ABCA7: variants seen among roughly 807,000 people sequenced by gnomAD.
ABCA7 encodes the protein phospholipid-transporting ATPase ABCA7.
In ABCA7, 261 loss-of-function variants were observed where a neutral mutation model predicts 227.6. The observed-to-expected ratio is 1.15, with a 90% CI of 1.04 to 1.27. ABCA7 has a LOEUF of 1.27. ABCA7 is among the 50% of genes most tolerant of loss of function. The pLI is 0.00. For missense variants in ABCA7, 3,331 were observed against 2,924.5 expected, an observed-to-expected ratio of 1.14 and a Z score of -3.21; for synonymous variants, 1,488 against 1,279.7, an observed-to-expected ratio of 1.16 and a Z score of -3.47.
At position 1,046,079 on chromosome 19, in the gene ABCA7, G is replaced by A. The variant is rs1438053670; in HGVS notation, c.1446-151G>A. 7.3e-6 allele frequency: 6 copies of A among 817,560 alleles called. No individual in the cohort carries two copies. In the Admixed American group the frequency reaches 1.0e-4, roughly 14 times the overall value. The allele number at this position is 817,560 out of a possible 1,614,324, so 50.6% of individuals were successfully genotyped here. A position where few individuals can be genotyped will look rare whatever the true frequency, so the allele number is the denominator to read the frequency against. On this transcript the variant is annotated intron_variant, in intron 12 of 46. Coordinates refer to ENST00000263094, the MANE Select transcript of ABCA7 (RefSeq NM_019112.4). ...GAGCTGGGGGGATCGTTTGATCCCG[G>A]GAGGTCAAGGCTGCAGTGAGCTATG...
intron 10 of ABCA7, 52 bp from the exon 11 acceptor site, chr19:1,044,525 G>A (rs1454237195): frequency 1.4e-5 from 22 of 1,576,150 alleles, no homozygotes; most frequent in Non-Finnish European, 1.7e-5. Flanking sequence ...GGGATTACAG[G>A]CATGAGCCAC....
intron 11 of ABCA7, 125 bp from the exon 12 acceptor site, chr19:1,044,877 G>T: frequency 6.8e-7 from 1 of 1,468,398 alleles, no homozygotes; most frequent in South Asian, 1.3e-5. Flanking sequence ...GAGATCTCAG[G>T]AGGGAGCCGG....
At chr19:1,061,723 G>T in intron 40 of ABCA7, 59 bp from the exon 41 acceptor site, 74 of 1,297,932 alleles carry the variant, frequency 5.7e-5, no homozygotes, top group Non-Finnish European at 7.1e-5. Flanking sequence ...AAAGAAATCA[G>T]AGATGCCGGA....
chr19:1,062,299 G>T lies in ABCA7; in HGVS notation c.5698G>T (p.Ala1900Ser), dbSNP rs1272960549. 2.5e-6 allele frequency: 4 copies of T among 1,604,022 alleles called. No individual in the cohort carries two copies. The highest frequency in any genetic ancestry group is 2.2e-5 in the South Asian group (2 of 91,028). Reference sequence around the variant, plus strand: ...TGCGCGCCTGCGCGGTGTCCCGGAGGCCCAGGTTGCCCAGGTGAGCCCACT... The same window carrying T: ...TGCGCGCCTGCGCGGTGTCCCGGAGTCCCAGGTTGCCCAGGTGAGCCCACT... ...LLARLRGVPE[A>S]QVAQTAGSGL... The change falls in exon 42 of 47, where the codon GCC (alanine) becomes TCC (serine). Residue 1900 changes from alanine to serine, a missense_variant. Ala to Ser is a moderately conservative substitution (Grantham distance 99). Coordinates refer to ENST00000263094, the MANE Select transcript of ABCA7 (RefSeq NM_019112.4).
Position 1,054,003 on chromosome 19 carries a change from C to T in ABCA7, c.3473-3C>T. 6.2e-7 allele frequency: 1 copy of T among 1,613,138 alleles called. No homozygotes were observed. The highest frequency in any genetic ancestry group is 8.5e-7 in the Non-Finnish European group (1 of 1,179,802). Reference sequence around the variant, plus strand: ...TTGACCCTGACCCCTGATGGCCCTGCAGATGGCAGCTGCGGGCAGCACCTA... The same window carrying T: ...TTGACCCTGACCCCTGATGGCCCTGTAGATGGCAGCTGCGGGCAGCACCTA... On this transcript the variant is annotated splice_region_variant and splice_polypyrimidine_tract_variant and intron_variant, in intron 25 of 46. Coordinates refer to ENST00000263094, the MANE Select transcript of ABCA7 (RefSeq NM_019112.4). This position sits in a 1 kb window ranked among gnomAD's most constrained non-coding sequence, Gnocchi z 4.8.
chr19:1,055,007 T>G, intron 29 of ABCA7, 90 bp from the exon 30 acceptor site: 1 of 1,529,642 alleles, frequency 6.5e-7, no homozygotes, highest in Non-Finnish European at 8.8e-7. Context: ...GGAGCCTCTG[T>G]GGCTCCAGGA....
chr19:1,042,241 TG>T, intron 5 of ABCA7, 65 bp downstream of exon 5: 1 of 1,576,164 alleles, frequency 6.3e-7, no homozygotes, highest in South Asian at 1.1e-5. Context: ...GGCCGTGAAA[TG>T]GGCACAGGGT....
In ABCA7 at chr19:1,052,070, T is replaced by C; in HGVS notation, c.3091T>C (p.Ser1031Pro). ...SPLFLRRHLG[S>P]GYYLTLVKAR... ...ACTCTTCCTGCGCCGTCACCTGGGC[T>C]CCGGCTACTACCTGACGCTGGTGAA... is the stretch of plus-strand genomic sequence containing the variant. Residue 1031 changes from serine (S) to proline (P), a missense_variant, in exon 22 of 47, where the codon TCC becomes CCC. Coordinates refer to ENST00000263094, the MANE Select transcript of ABCA7 (RefSeq NM_019112.4). 6 of 1,612,342 alleles carry C rather than the reference T, an allele frequency of 3.7e-6. No individual in the cohort carries two copies. The highest frequency in any genetic ancestry group is 5.1e-6 in the Non-Finnish European group (6 of 1,179,874).
chr19:1,064,854 T>A, intron 45 of ABCA7, 77 bp from the exon 46 acceptor site: 1 of 1,481,656 alleles, frequency 6.7e-7, no homozygotes, highest in Admixed American at 2.3e-5. Flanking sequence ...GGCCAGAGAG[T>A]ATTAGGGGCT....
rs1421347972 is a variant in ABCA7, at chr19:1,049,334, C to A, written c.2449C>A (p.Pro817Thr). Residue 817 changes from proline to threonine, a missense_variant, in exon 18 of 47, where the codon CCT (proline) becomes ACT (threonine). Transcript: ENST00000263094. ...VSVRSLEKRF[P>T]GSPQPALRGL... ...CGTTCGCAGCCTGGAGAAGCGCTTTCCTGGAAGCCCGCAGCCAGCCCTGCG... is the reference window on the plus strand; with the variant it reads ...CGTTCGCAGCCTGGAGAAGCGCTTTACTGGAAGCCCGCAGCCAGCCCTGCG... 3.7e-6 allele frequency: 6 copies of A among 1,611,654 alleles called. 1 individual carries two copies. The Admixed American group carries it at 1.0e-4, about 27-fold the overall frequency.
Position 1,048,984 on chromosome 19 carries a change from C to G in ABCA7, c.2359C>G (p.Pro787Ala), listed in dbSNP as rs142153271. The change falls in exon 17 of 47, where the codon CCC (proline) becomes GCC (alanine). Residue 787 changes from proline to alanine, a missense_variant. Pro to Ala is a conservative substitution (Grantham distance 27). Coordinates refer to ENST00000263094, the MANE Select transcript of ABCA7 (RefSeq NM_019112.4). ...GCCCCCCAAGAGTCCAGCCCCTTGC[C>G]CCACCCCGCTGGACCCAAAGGGTGA... ...PRPPKSPAPC[P>A]TPLDPKVLVE... 1.0e-4 allele frequency: 163 copies of G among 1,600,704 alleles called. No individual in the cohort carries two copies. The highest frequency in any genetic ancestry group is 1.4e-4 in the Non-Finnish European group (161 of 1,173,808).
chr19:1,055,785 A>C (rs1208587277), intron 30 of ABCA7, 122 bp from the exon 31 acceptor site: 1 of 1,037,100 alleles, frequency 9.6e-7, no homozygotes, highest in Non-Finnish European at 1.4e-6. Context: ...TACAGGCAGG[A>C]GCCACCGCGC....
At position 1,057,001 on chromosome 19, in the gene ABCA7, C is replaced by A. The variant is rs768471733; in HGVS notation, c.4681C>A (p.Arg1561=). ...ASFTLVLIEE[R]VTRAKHLQLM... is the part of the protein sequence containing the mutation. ...CTTCACTCTTGTCCTCATTGAGGAG[C>A]GAGTCACCCGAGCCAAGCACCTGCA... is the stretch of plus-strand genomic sequence containing the variant. The change falls in exon 34 of 47, where the codon CGA becomes AGA. Residue 1561 remains arginine, a synonymous_variant. Coordinates refer to ENST00000263094, the MANE Select transcript of ABCA7 (RefSeq NM_019112.4). 2 of 1,613,788 alleles carry A rather than the reference C, an allele frequency of 1.2e-6. No individual in the cohort carries two copies. The highest frequency in any genetic ancestry group is 2.2e-5 in the East Asian group (1 of 44,884).
intron 40 of ABCA7, among the ~76,000 whole-genome samples, chr19:1,061,390 C>CAAAAAAAAA (rs978850571): frequency 3.5e-4 from 13 of 36,906 alleles, no homozygotes; most frequent in African/African-American, 1.4e-3. Flanking sequence ...GGCTCCGTCT[C>CAAAAAAAAA]AAAAAAAAAA....
intron 16 of ABCA7, among the ~76,000 whole-genome samples, chr19:1,048,500 A>AAAAAG (rs1430400176): frequency 1.1e-4 from 13 of 116,422 alleles, no homozygotes; most frequent in African/African-American, 3.9e-4. Context: ...CAGTCTCAAA[A>AAAAAG]AAAAAAAAAC....
chr19:1,061,771 C>T lies in ABCA7; in HGVS notation c.5464-11C>T, dbSNP rs757108743. 1.9e-6 allele frequency: 3 copies of T among 1,610,206 alleles called. 1 individual carries two copies. The highest frequency in any genetic ancestry group is 2.2e-5 in the South Asian group (2 of 90,842). On this transcript the variant is annotated splice_polypyrimidine_tract_variant and intron_variant, in intron 40 of 46. Transcript: ENST00000263094. ...GGCCTCACTGAGCACCATCTGTGGGCATCCCTGTAGTGTTTTGGGCTGCTG... is the reference window on the plus strand; with the variant it reads ...GGCCTCACTGAGCACCATCTGTGGGTATCCCTGTAGTGTTTTGGGCTGCTG...
At chr19:1,053,758 C>A in intron 24 of ABCA7, 30 bp from the exon 25 acceptor site, 1 of 1,600,908 alleles carries the variant, frequency 6.2e-7, no homozygotes. Flanking sequence ...TGTCGGTGTC[C>A]AGTCTCTGAG....
chr19:1,058,293 G>T (rs2042424073), intron 37 of ABCA7, 24 bp downstream of exon 37: 2 of 1,611,786 alleles, frequency 1.2e-6, no homozygotes, highest in Non-Finnish European at 1.7e-6. Context: ...GTCAGGTGGG[G>T]CCATGGCTAC....
chr19:1,056,969 C>A lies in ABCA7; in HGVS notation c.4649C>A (p.Pro1550Gln), dbSNP rs1038584147. The change falls in exon 34 of 47, where the codon CCG becomes CAG. Residue 1550 changes from proline to glutamine, a missense_variant. Physicochemically the swap from Pro to Gln is moderately conservative, Grantham distance 76 (BLOSUM62 -1). Coordinates refer to ENST00000263094, the MANE Select transcript of ABCA7 (RefSeq NM_019112.4). The surrounding 1 kb of genome is among the most constrained non-coding windows in gnomAD (Gnocchi z 4.3). ...GTGGTCTTTGCCATGTCCTTTGTCC[C>A]GGCCAGCTTCACTCTTGTCCTCATT... Reference protein sequence around the residue: ...ICVVFAMSFVPASFTLVLIEE... With the variant: ...ICVVFAMSFVQASFTLVLIEE... 4 of 1,613,940 alleles carry A rather than the reference C, an allele frequency of 2.5e-6. No homozygotes were observed. Among genetic ancestry groups the A allele is most frequent in the Non-Finnish European group, 3.4e-6 (4 of 1,180,026 alleles).
Sources: gnomAD v4.1 joint callset for allele counts (sites outside exome capture counted in the v4.1 genomes callset) on GRCh38, gnomAD v4.1.1 for gene constraint, Gnocchi (gnomAD v3.1) non-coding constraint, MANE v1.5 for transcripts, NCBI Gene and HGNC (gene_info 2026-07-23, HGNC 2026-07-21) for gene names.